FBXL5: variants seen among roughly 807,000 people sequenced by gnomAD.
FBXL5 encodes F-box and leucine rich repeat protein 5.
In FBXL5, 26 loss-of-function variants were observed where a neutral mutation model predicts 78.3. That is an observed-to-expected ratio of 0.33 (90% CI 0.24 to 0.46). FBXL5 has a LOEUF of 0.46. FBXL5 is among the 20% of genes least tolerant of loss of function. The pLI is 1.00. For synonymous variants in FBXL5, 295 were observed against 282.5 expected, an observed-to-expected ratio of 1.04 and a Z score of -0.45; for missense variants, 710 against 829.2, an observed-to-expected ratio of 0.86 and a Z score of 1.77.
At chr4:15,634,896 A>G (rs1364573638) in intron 5 of FBXL5, among the ~76,000 whole-genome samples, 1 of 152,132 alleles carries the variant, frequency 6.6e-6, no homozygotes, top group Non-Finnish European at 1.5e-5. Flanking sequence ...TTCTGCATCC[A>G]TGTTTGCCTT....
rs201367660 is a variant in FBXL5 at position 15,638,647 on chromosome 4, C to T, written c.444G>A (p.Lys148=). ...GTGCAATCACTTTCTTTTTAATATCCTTAAGCTCTTCATAGGTAAAATATT... is the reference window on the plus strand; with the variant it reads ...GTGCAATCACTTTCTTTTTAATATCTTTAAGCTCTTCATAGGTAAAATATT... ...LMEYFTYEEL[K]DIKKKVIAQH... is the part of the protein sequence containing the mutation. Residue 148 remains lysine, a synonymous_variant, in exon 4 of 11, where the codon AAG becomes AAA. Coordinates refer to ENST00000341285, the MANE Select transcript of FBXL5 (RefSeq NM_012161.4). 8 of 1,610,428 alleles carry T rather than the reference C, an allele frequency of 5.0e-6. No homozygotes were observed. Among genetic ancestry groups the T allele is most frequent in the Non-Finnish European group, 5.9e-6 (7 of 1,178,926 alleles).
chr4:15,653,601 G>A (rs755759057), intron 1 of FBXL5, among the ~76,000 whole-genome samples: 5 of 151,934 alleles, frequency 3.3e-5, no homozygotes, highest in African/African-American at 1.2e-4. Context: ...AGAAAACCTT[G>A]GATTCTGTTA....
chr4:15,638,833 T>C (rs1366531584), intron 3 of FBXL5, 139 bp from the exon 4 acceptor site: 2 of 572,684 alleles, frequency 3.5e-6, no homozygotes, highest in Non-Finnish European at 5.9e-6. Context: ...CTGTCACCAC[T>C]GAGTTAGTTT....
intron 9 of FBXL5, among the ~76,000 whole-genome samples, chr4:15,624,619 C>T (rs901379268): frequency 8.8e-5 from 13 of 147,976 alleles, no homozygotes; most frequent in Admixed American, 5.4e-4. Flanking sequence ...AAAAAAAAGT[C>T]GGTTTAATCT....
intron 10 of FBXL5, 104 bp from the exon 11 acceptor site, chr4:15,605,903 A>G (rs1030682422): frequency 2.5e-6 from 2 of 786,058 alleles, no homozygotes; most frequent in Non-Finnish European, 4.4e-6. Context: ...TACTAGCAGT[A>G]CTTATATGAT....
chr4:15,632,521 C>T (rs1274029782), intron 5 of FBXL5, among the ~76,000 whole-genome samples: 2 of 152,148 alleles, frequency 1.3e-5, no homozygotes, highest in African/African-American at 2.4e-5. Flanking sequence ...GTCATTTTCA[C>T]GATACTGATT....
intron 3 of FBXL5, 107 bp downstream of exon 3, chr4:15,640,681 C>A: frequency 1.9e-6 from 1 of 535,166 alleles, no homozygotes; most frequent in South Asian, 3.4e-5. Context: ...TTCTTCTCTC[C>A]ATCAACCAGA....
chr4:15,678,949 G>C (rs1718095026), intron 1 of FBXL5, among the ~76,000 whole-genome samples: 1 of 151,908 alleles, frequency 6.6e-6, no homozygotes, highest in Non-Finnish European at 1.5e-5. Context: ...ACTTTTACTG[G>C]TCAGCAGAAA....
exon 1 of FBXL5, chr4:15,681,504 C>G (rs1718269259): frequency 6.2e-6 from 1 of 161,294 alleles, no homozygotes; most frequent in African/African-American, 2.4e-5. Context: ...CCGCGCTCGG[C>G]TACATCCGGC....
intron 1 of FBXL5, among the ~76,000 whole-genome samples, chr4:15,671,687 C>T (rs539757794): frequency 3.4e-4 from 52 of 152,242 alleles, no homozygotes; most frequent in African/African-American, 1.1e-3. Flanking sequence ...TTGTATGCTC[C>T]CTTCCCCTAC....
At chr4:15,641,626 G>C (rs1237829066) in intron 2 of FBXL5, 2 of 455,526 alleles carry the variant, frequency 4.4e-6, no homozygotes, top group Non-Finnish European at 8.8e-6. Flanking sequence ...AACAGTAGTA[G>C]GCTGTAAGTA....
chr4:15,655,628 T>C (rs920477036), upstream of FBXL5, among the ~76,000 whole-genome samples: 4 of 152,170 alleles, frequency 2.6e-5, no homozygotes, highest in East Asian at 5.8e-4. Context: ...GGGAAAGTCG[T>C]TGCAGTGGCG....
Position 15,632,407 on chromosome 4 carries a change from G to A in FBXL5, c.767-1616C>T, listed in dbSNP as rs192395349. 2.4e-3 allele frequency among the ~76,000 whole-genome samples: 361 copies of A among 152,140 alleles called. 1 individual carries two copies. Among genetic ancestry groups the A allele is most frequent in the African/African-American group, 8.2e-3 (340 of 41,508 alleles). ...GTCTTGGCAACGCGGGCTCTTTTTC[G>A]GTTCCATGTGAACTTTAACGTAGTT... On this transcript the variant is annotated intron_variant, in intron 5 of 10. Coordinates refer to ENST00000341285, the MANE Select transcript of FBXL5 (RefSeq NM_012161.4).
chr4:15,616,765 G>T (rs943265489), intron 9 of FBXL5, among the ~76,000 whole-genome samples: 1 of 152,108 alleles, frequency 6.6e-6, no homozygotes, highest in South Asian at 2.1e-4. Context: ...TATTTTGCCC[G>T]GCTCTCTAAA....
intron 2 of FBXL5, chr4:15,641,603 AAGGCTTCCAGTCAACAGTAGTAGGC>A (rs1714883979): frequency 2.2e-6 from 1 of 458,222 alleles, no homozygotes; most frequent in Non-Finnish European, 4.4e-6. Context: ...TGTTATTGGT[AAGGCTTCCAGTCAACAGTAGTAGGC>A]TGTAAGTAAA....
intron 9 of FBXL5, among the ~76,000 whole-genome samples, chr4:15,616,885 G>A (rs1387308403): frequency 1.3e-5 from 2 of 152,174 alleles, no homozygotes; most frequent in African/African-American, 2.4e-5. Context: ...CACACTTTGG[G>A]CACTCAGTTT....
At chr4:15,610,375 A>G (rs1180225739) in intron 10 of FBXL5, among the ~76,000 whole-genome samples, 1 of 152,110 alleles carries the variant, frequency 6.6e-6, no homozygotes, top group Non-Finnish European at 1.5e-5. Context: ...CCCCCAAATC[A>G]TGCTTCAATA....
At chr4:15,640,983 A>G in intron 2 of FBXL5, 100 bp from the exon 3 acceptor site, 1 of 559,288 alleles carries the variant, frequency 1.8e-6, no homozygotes. Flanking sequence ...CTCCGGGGAA[A>G]AAAAAATAGA....
chr4:15,640,922 C>T (rs922305415), intron 2 of FBXL5, 39 bp from the exon 3 acceptor site: 6 of 1,154,974 alleles, frequency 5.2e-6, no homozygotes, highest in South Asian at 1.6e-5. Context: ...ATAAAAGTTT[C>T]GCTTCATTAA....
Sources: allele counts gnomAD v4.1 joint callset (sites outside exome capture counted in the v4.1 genomes callset), GRCh38; gene constraint gnomAD v4.1.1; transcripts MANE v1.5; gene names NCBI Gene and HGNC (gene_info 2026-07-23, HGNC 2026-07-21).